The following PPP6R3 variants were observed in gnomAD, a reference collection of about 807,000 sequenced individuals.
The protein encoded by PPP6R3 is serine/threonine-protein phosphatase 6 regulatory subunit 3.
PPP6R3 carries 38 observed loss-of-function variants against 110.7 expected under a neutral mutation model. The ratio of observed to expected loss-of-function variants is 0.34; its 90% CI spans 0.26 to 0.45. PPP6R3 has a LOEUF of 0.45. Among genes scored for constraint, PPP6R3 ranks in the 20% least tolerant of loss-of-function variants. The pLI is 1.00. For synonymous variants in PPP6R3, 369 were observed against 373.5 expected (o/e 0.99, Z 0.14); for missense variants, 870 against 1,062.4 (o/e 0.82, Z 2.52).
In PPP6R3 at chr11:68,591,785, TCACCAAA is replaced by T. The variant is rs2099596108; in HGVS notation, c.1916+82_1916+88del. On this transcript the variant is annotated intron_variant, in intron 18 of 23. Coordinates refer to ENST00000393800, the MANE Select transcript of PPP6R3 (RefSeq NM_001164161.2). ...TTATCATGAGACATACATTGTGTCA[TCACCAAA>T]CATACATGTTAACCCAGAAACCAGT... is the stretch of plus-strand genomic sequence containing the variant. 6.9e-6 allele frequency: 10 copies of T among 1,453,342 alleles called. No individual in the cohort carries two copies. In the South Asian group the frequency reaches 1.3e-4, roughly 18 times the overall value. The allele number at this position is 1,453,342 out of a possible 1,614,324, so 90.0% of individuals were successfully genotyped here.
At chr11:68,609,349 C>T in intron 22 of PPP6R3, 1 of 648,836 alleles carries the variant, frequency 1.5e-6, no homozygotes. Flanking sequence ...ATGCAGTCAA[C>T]ACGGTGACCT....
At chr11:68,526,874 A>G (rs1431978117) in intron 2 of PPP6R3, among the ~76,000 whole-genome samples, 1 of 152,240 alleles carries the variant, frequency 6.6e-6, no homozygotes, top group African/African-American at 2.4e-5. Context: ...GAATTTGTAG[A>G]GGAACACGTT....
rs1944881401 is a variant in PPP6R3 at position 68,614,692 on chromosome 11, G to A, written c.*1575G>A. 6.6e-7 allele frequency: 1 copy of A among 1,525,574 alleles called. No individual in the cohort carries two copies. The allele number at this position is 1,525,574 out of a possible 1,614,324, so 94.5% of individuals were successfully genotyped here. On this transcript the variant is annotated 3_prime_UTR_variant, in exon 24 of 24. Transcript: ENST00000393800. ...GTCAGCAGTAAGCCCTGGGACAGGT[G>A]GCAAGGGTGGGTCCCTTGACCTTTG...
rs2099583882 is a variant in PPP6R3, at chr11:68,587,934, C to G, written c.1640C>G (p.Ser547Cys). The part of the protein sequence containing the change: ...SQDSSLQQAF[S>C]DYQMQQMTSN... ...TGGTCCTGGGGTTGCCAGGCCTTTT[C>G]TGATTATCAGATGCAACAAATGACG... Residue 547 changes from serine (S) to cysteine (C), a missense_variant, in exon 16 of 24, where the codon TCT becomes TGT. Transcript: ENST00000393800. 1.9e-6 allele frequency: 3 copies of G among 1,614,114 alleles called. No individual in the cohort carries two copies. Among genetic ancestry groups the G allele is most frequent in the Non-Finnish European group, 2.5e-6 (3 of 1,179,952 alleles).
intron 13 of PPP6R3, 52 bp downstream of exon 13, chr11:68,574,276 T>C (rs957851021): frequency 7.0e-7 from 1 of 1,438,590 alleles, no homozygotes; most frequent in African/African-American, 1.4e-5. Context: ...GCAGGAAGGA[T>C]TTAAGGGTCA....
intron 1 of PPP6R3, among the ~76,000 whole-genome samples, chr11:68,463,699 T>G (rs969611020): frequency 6.6e-6 from 1 of 152,246 alleles, no homozygotes; most frequent in Non-Finnish European, 1.5e-5. Flanking sequence ...TCTAATGTAC[T>G]GAAAAAAAGA....
intron 12 of PPP6R3, 21 bp from the exon 13 acceptor site, chr11:68,574,088 T>C: frequency 6.5e-7 from 1 of 1,548,328 alleles, no homozygotes; most frequent in Non-Finnish European, 8.9e-7. Context: ...ATCTGAGTAT[T>C]TGTCCTTTAC....
At chr11:68,530,060 A>G (rs2099228218) in intron 2 of PPP6R3, among the ~76,000 whole-genome samples, 1 of 152,256 alleles carries the variant, frequency 6.6e-6, no homozygotes, top group Non-Finnish European at 1.5e-5. Flanking sequence ...ACCAAAAGAA[A>G]TAATATAGCC....
At chr11:68,548,010 T>TA (rs1256824163) in intron 4 of PPP6R3, 57 bp from the exon 5 acceptor site, 54 of 1,532,052 alleles carry the variant, frequency 3.5e-5, no homozygotes, top group Non-Finnish European at 4.6e-5. Context: ...ACTTAAAAGG[T>TA]AAAGTTTATA....
rs530582943 is a variant in PPP6R3, at chr11:68,543,598, A to G, written c.228-1240A>G. 3.3e-5 allele frequency among the ~76,000 whole-genome samples: 5 copies of G among 152,192 alleles called. 1 individual carries two copies. In the South Asian group the frequency reaches 6.2e-4, roughly 19 times the overall value. The stretch of plus-strand genomic sequence containing the variant: ...GCCTTGGATGCCCCAGGTGTGTCGT[A>G]TACGTGTCCCTCCTGCCCCAGTCTT... On this transcript the variant is annotated intron_variant, in intron 3 of 23. Coordinates refer to ENST00000393800, the MANE Select transcript of PPP6R3 (RefSeq NM_001164161.2).
chr11:68,596,495 T>TC (rs1271551470), intron 19 of PPP6R3, among the ~76,000 whole-genome samples: 1 of 152,176 alleles, frequency 6.6e-6, no homozygotes, highest in African/African-American at 2.4e-5. Context: ...CACTGCTAGG[T>TC]CAGTCTTCTG....
chr11:68,483,586 T>G (rs596494), intron 1 of PPP6R3, among the ~76,000 whole-genome samples: 59,227 of 151,968 alleles, frequency 0.39, 12,814 homozygotes, highest in African/African-American at 0.57. Flanking sequence ...AGGTTCGAGT[T>G]ATTCCCCTGC....
chr11:68,544,753 C>A, intron 3 of PPP6R3, 85 bp from the exon 4 acceptor site: 1 of 927,164 alleles, frequency 1.1e-6, no homozygotes, highest in Non-Finnish European at 1.5e-6. Context: ...TTCACAAAAT[C>A]TTGGGAAGCC....
chr11:68,586,066 T>A (rs560085960), intron 15 of PPP6R3, among the ~76,000 whole-genome samples: 14 of 151,278 alleles, frequency 9.3e-5, no homozygotes, highest in African/African-American at 3.4e-4. Context: ...AGTCTAGGAG[T>A]TTGAGTCTAG....
intron 10 of PPP6R3, among the ~76,000 whole-genome samples, chr11:68,568,578 C>G (rs982412717): frequency 6.6e-6 from 1 of 152,124 alleles, no homozygotes; most frequent in Non-Finnish European, 1.5e-5. Context: ...CCAGGAGATT[C>G]ACGTTACTGC....
Position 68,614,241 on chromosome 11 carries a change from G to A in PPP6R3, c.*1124G>A. On this transcript the variant is annotated 3_prime_UTR_variant, in exon 24 of 24. Transcript: ENST00000393800. ...CAGTGTATTTTTTTAGAACTGGTTTGTGTATATATATAGTGATTATGGATA... is the reference window on the plus strand; with the variant it reads ...CAGTGTATTTTTTTAGAACTGGTTTATGTATATATATAGTGATTATGGATA... 1.0e-6 allele frequency: 1 copy of A among 1,000,486 alleles called. No homozygotes were observed. The highest frequency in any genetic ancestry group is 1.7e-5 in the African/African-American group (1 of 57,360). 62.0% of individuals were successfully genotyped at this position (1,000,486 alleles called of 1,614,324 possible). A position where few individuals can be genotyped will look rare whatever the true frequency, so the allele number is the denominator to read the frequency against.
intron 1 of PPP6R3, among the ~76,000 whole-genome samples, chr11:68,496,900 T>G (rs1187882996): frequency 7.3e-6 from 1 of 136,634 alleles, no homozygotes; most frequent in Non-Finnish European, 1.6e-5. Context: ...CTTGCTCTGT[T>G]GCCCAGGCTG....
chr11:68,540,951 T>G (rs978414150), intron 3 of PPP6R3, among the ~76,000 whole-genome samples: 1 of 152,186 alleles, frequency 6.6e-6, no homozygotes, highest in African/African-American at 2.4e-5. Flanking sequence ...TTTGTGCAGT[T>G]AAGGCAATTA....
At position 68,583,341 on chromosome 11, in the gene PPP6R3, A is replaced by G. The variant is rs145390145; in HGVS notation, c.1632+212A>G. ...TTCAAGGGATTGTTCCATCCCTGAT[A>G]ACAGTGATGAGTCAAGTACATTTTC... On this transcript the variant is annotated intron_variant, in intron 15 of 23. Transcript: ENST00000393800. Among the ~76,000 whole-genome samples, 287 of 152,342 alleles carry G rather than the reference A, an allele frequency of 1.9e-3. 1 individual carries two copies. The highest frequency in any genetic ancestry group is 6.5e-3 in the African/African-American group (271 of 41,566).
Sources: gnomAD v4.1 joint callset for allele counts (sites outside exome capture counted in the v4.1 genomes callset) on GRCh38, gnomAD v4.1.1 for gene constraint, MANE v1.5 for transcripts, NCBI Gene and HGNC (gene_info 2026-07-23, HGNC 2026-07-21) for gene names.